Variants in MISP observed in about 807,000 individuals in gnomAD.
MISP encodes mitotic spindle positioning.
MISP carries 51 observed loss-of-function variants against 49.3 expected under a neutral mutation model. The observed-to-expected ratio is 1.03, with a 90% CI of 0.83 to 1.31. The LOEUF (loss-of-function observed/expected upper bound fraction) is 1.31, where lower values mean the gene tolerates loss of function less well. Ranked by LOEUF, MISP falls within the 50% of genes most tolerant of loss-of-function variation. The pLI, the probability that MISP is intolerant of heterozygous loss-of-function variation, is 0.00. For synonymous variants in MISP, 444 were observed against 392.6 expected, an observed-to-expected ratio of 1.13 and a Z score of -1.55; for missense variants, 1,084 against 935.1, an observed-to-expected ratio of 1.16 and a Z score of -2.08.
chr19:762,837 T>A (rs1055008206), intron 4 of MISP, among the ~76,000 whole-genome samples: 5 of 151,820 alleles, frequency 3.3e-5, no homozygotes. Flanking sequence ...TTTTATTTAT[T>A]TATTTATTTA....
In MISP at chr19:763,873, C is replaced by A; in HGVS notation, c.*283C>A. 1 of 417,996 alleles carries A rather than the reference C, an allele frequency of 2.4e-6. No homozygotes were observed. The highest frequency in any genetic ancestry group is 4.4e-6 in the Non-Finnish European group (1 of 228,396). The allele number at this position is 417,996 out of a possible 1,614,324, so 25.9% of individuals were successfully genotyped here. A position where few individuals can be genotyped will look rare whatever the true frequency, so the allele number is the denominator to read the frequency against. ...CTGCTTCTAAGACTTTGCCAAATGC[C>A]CTGGGTCTAAGAAAGAAAGAGACCC... On this transcript the variant is annotated 3_prime_UTR_variant, in exon 5 of 5. Coordinates refer to ENST00000215582, the MANE Select transcript of MISP (RefSeq NM_173481.4).
At chr19:756,804 G>A in intron 1 of MISP, 86 bp from the exon 2 acceptor site, 2 of 682,240 alleles carry the variant, frequency 2.9e-6, no homozygotes, top group South Asian at 4.1e-5. Context: ...CCATTTGATG[G>A]ACCCTTTGCC....
In MISP at chr19:756,887, C is replaced by A; in HGVS notation, c.-57-3C>A. The A allele has an allele frequency of 7.3e-7, 1 of 1,377,260 alleles. No individual in the cohort carries two copies. Among genetic ancestry groups the A allele is most frequent in the Non-Finnish European group, 9.7e-7 (1 of 1,029,996 alleles). 85.3% of individuals were successfully genotyped at this position (1,377,260 alleles called of 1,614,324 possible). A position where few individuals can be genotyped will look rare whatever the true frequency, so the allele number is the denominator to read the frequency against. ...TGGCCCTCATTTCCTTCTCCTCCCTCAGTAAGCCCAGAGGTCTCCACCCCA... is the reference window on the plus strand; with the variant it reads ...TGGCCCTCATTTCCTTCTCCTCCCTAAGTAAGCCCAGAGGTCTCCACCCCA... On this transcript the variant is annotated splice_polypyrimidine_tract_variant and splice_region_variant and intron_variant, in intron 1 of 4. Coordinates refer to ENST00000215582, the MANE Select transcript of MISP (RefSeq NM_173481.4).
In MISP at chr19:759,814, T is replaced by G; in HGVS notation, c.1781-95T>G. The G allele has an allele frequency of 4.9e-6, 7 of 1,437,496 alleles. No homozygotes were observed. In the South Asian group the frequency reaches 5.1e-5, roughly 11 times the overall value. 89.0% of individuals were successfully genotyped at this position (1,437,496 alleles called of 1,614,324 possible). On this transcript the variant is annotated intron_variant, in intron 2 of 4. Transcript: ENST00000215582. ...GATAGTCATCTGCTCTGTCTGTCCATACATCTGTCTCCTTAGCTGCTGGCT... is the reference window on the plus strand; with the variant it reads ...GATAGTCATCTGCTCTGTCTGTCCAGACATCTGTCTCCTTAGCTGCTGGCT...
upstream of MISP, among the ~76,000 whole-genome samples, chr19:750,021 C>T (rs868205381): frequency 3.3e-5 from 5 of 152,124 alleles, no homozygotes; most frequent in East Asian, 1.9e-4. Flanking sequence ...CCCTCATAGA[C>T]GGCGCTAGGC....
At chr19:763,407 G>A (rs149657871) in intron 4 of MISP, 94 bp from the exon 5 acceptor site, 17 of 847,366 alleles carry the variant, frequency 2.0e-5, no homozygotes, top group East Asian at 2.5e-5. Flanking sequence ...CTTTACCCCC[G>A]TTCTAGGCCT....
intron 2 of MISP, among the ~76,000 whole-genome samples, chr19:759,102 T>C (rs1223599767): frequency 2.7e-4 from 41 of 150,116 alleles, no homozygotes; most frequent in Non-Finnish European, 5.5e-4. Flanking sequence ...CAACTCACTG[T>C]AACCTCCACC....
chr19:753,984 TC>T (rs924827230), intron 1 of MISP, among the ~76,000 whole-genome samples: 3 of 152,116 alleles, frequency 2.0e-5, no homozygotes, highest in African/African-American at 7.2e-5. Flanking sequence ...GCTTTTGAGA[TC>T]CCTGTGTCTT....
At position 763,953 on chromosome 19, in the gene MISP, G is replaced by A. The variant is rs1282554627; in HGVS notation, c.*363G>A. ...CCGCTAGTCTGAGGGCAGAGGGACC[G>A]GTCAAAGAGGGTGGCACAGATCGCA... On this transcript the variant is annotated 3_prime_UTR_variant, in exon 5 of 5. Transcript: ENST00000215582. 8.4e-6 allele frequency: 2 copies of A among 238,814 alleles called. No individual in the cohort carries two copies. Among genetic ancestry groups the A allele is most frequent in the Non-Finnish European group, 1.7e-5 (2 of 119,668 alleles). 14.8% of individuals were successfully genotyped at this position (238,814 alleles called of 1,614,324 possible). A position where few individuals can be genotyped will look rare whatever the true frequency, so the allele number is the denominator to read the frequency against.
At chr19:759,809 G>C (rs1433637159) in intron 2 of MISP, 100 bp from the exon 3 acceptor site, 1 of 1,381,896 alleles carries the variant, frequency 7.2e-7, no homozygotes, top group Non-Finnish European at 1.0e-6. Context: ...TGCTCTGTCT[G>C]TCCATACATC....
chr19:757,139 G>T lies in MISP; in HGVS notation c.193G>T (p.Gly65Trp), dbSNP rs1453762759. 1 of 1,613,330 alleles carries T rather than the reference G, an allele frequency of 6.2e-7. No individual in the cohort carries two copies. The highest frequency in any genetic ancestry group is 8.5e-7 in the Non-Finnish European group (1 of 1,179,908). ...HRAQQGVQRQ[G>W]VSYSVHAYTG... is the part of the protein sequence containing the mutation. ...GGCCCAGCAGGGCGTGCAGAGGCAG[G>T]GGGTGTCCTACAGCGTGCATGCCTA... The change falls in exon 2 of 5, where the codon GGG becomes TGG. Residue 65 changes from glycine to tryptophan, a missense_variant. Transcript: ENST00000215582.
intron 4 of MISP, among the ~76,000 whole-genome samples, chr19:762,258 A>G (rs912131300): frequency 3.0e-4 from 41 of 136,312 alleles, no homozygotes; most frequent in Non-Finnish European, 5.8e-4. Context: ...GGCCAAGGCA[A>G]TGTTTTTTTG....
chr19:751,987 A>G (rs867082140), intron 1 of MISP, among the ~76,000 whole-genome samples: 2 of 152,166 alleles, frequency 1.3e-5, no homozygotes. Context: ...TCATTCTGGT[A>G]TCAACAGAGT....
At chr19:762,308 A>G (rs1356884449) in intron 4 of MISP, among the ~76,000 whole-genome samples, 1 of 148,392 alleles carries the variant, frequency 6.7e-6, no homozygotes, top group Non-Finnish European at 1.5e-5. Flanking sequence ...GCTGGAGTGG[A>G]GTGGCTTGAC....
intron 1 of MISP, among the ~76,000 whole-genome samples, chr19:753,195 G>T (rs762956808): frequency 3.9e-5 from 6 of 152,124 alleles, no homozygotes; most frequent in Non-Finnish European, 7.4e-5. Flanking sequence ...GTTTGTGTGG[G>T]ATTTATTCAC....
At position 764,146 on chromosome 19, in the gene MISP, C is replaced by A. The variant is rs1760658439; in HGVS notation, c.*556C>A. The A allele has an allele frequency of 6.5e-6, 1 of 152,700 alleles. No homozygotes were observed. The highest frequency in any genetic ancestry group is 2.4e-5 in the African/African-American group (1 of 41,448). 9.5% of individuals were successfully genotyped at this position (152,700 alleles called of 1,614,324 possible). A position where few individuals can be genotyped will look rare whatever the true frequency, so the allele number is the denominator to read the frequency against. On this transcript the variant is annotated 3_prime_UTR_variant, in exon 5 of 5. Transcript: ENST00000215582. Reference sequence around the variant, plus strand: ...GGGGTCCCTGTGCAGCCCTCAAACCCTTCACCTTGGTGCACCCAGCCACAC... The same window carrying A: ...GGGGTCCCTGTGCAGCCCTCAAACCATTCACCTTGGTGCACCCAGCCACAC...
Position 763,548 on chromosome 19 carries a change from G to C in MISP, c.1998G>C (p.Glu666Asp), listed in dbSNP as rs538094871. ...RVTRHKNAMA[E>D]RWESRIYASE... ...CCCGTCACAAGAACGCCATGGCAGA[G>C]CGCTGGGAATCCCGCATCTACGCCA... is the stretch of plus-strand genomic sequence containing the variant. Residue 666 changes from glutamate to aspartate, a missense_variant, in exon 5 of 5, where the codon GAG becomes GAC. Coordinates refer to ENST00000215582, the MANE Select transcript of MISP (RefSeq NM_173481.4). 1.7e-5 allele frequency: 28 copies of C among 1,613,990 alleles called. No individual in the cohort carries two copies. The highest frequency in any genetic ancestry group is 2.3e-5 in the Non-Finnish European group (27 of 1,180,024).
In MISP at chr19:758,500, G is replaced by A; in HGVS notation, c.1554G>A (p.Gln518=). 6.2e-7 allele frequency: 1 copy of A among 1,614,102 alleles called. No homozygotes were observed. Among genetic ancestry groups the A allele is most frequent in the Middle Eastern group, 1.7e-4 (1 of 6,058 alleles). Residue 518 remains glutamine (Q), a synonymous_variant, in exon 2 of 5, where the codon CAG becomes CAA. Coordinates refer to ENST00000215582, the MANE Select transcript of MISP (RefSeq NM_173481.4). ...PLRFRAPDEP[Q]QAQVPHVWGW... ...GGTTCAGGGCCCCAGACGAGCCCCA[G>A]CAGGCCCAAGTCCCCCATGTCTGGG... is the stretch of plus-strand genomic sequence containing the variant.
In MISP at chr19:758,175, C is replaced by T. The variant is rs751254955; in HGVS notation, c.1229C>T (p.Pro410Leu). 1.9e-6 allele frequency: 3 copies of T among 1,612,692 alleles called. No individual in the cohort carries two copies. The highest frequency in any genetic ancestry group is 2.5e-6 in the Non-Finnish European group (3 of 1,179,800). ...GCCCCAGATGCCCGTGCGGCCGACC[C>T]AGCTCCAGAAGTGAGGAAGGTGAAC... Reference protein sequence around the residue: ...SPAPDARAADPAPEVRKVNRI... With the variant: ...SPAPDARAADLAPEVRKVNRI... The change falls in exon 2 of 5, where the codon CCA (proline) becomes CTA (leucine). Residue 410 changes from proline to leucine, a missense_variant. Physicochemically the swap from Pro to Leu is moderately conservative, Grantham distance 98. Coordinates refer to ENST00000215582, the MANE Select transcript of MISP (RefSeq NM_173481.4).
Sources: allele counts gnomAD v4.1 joint callset (sites outside exome capture counted in the v4.1 genomes callset), GRCh38; gene constraint gnomAD v4.1.1; transcripts MANE v1.5; gene names NCBI Gene and HGNC (gene_info 2026-07-23, HGNC 2026-07-21).